Variants in TGM3 observed in about 807,000 individuals in gnomAD.
The protein encoded by TGM3 is protein-glutamine gamma-glutamyltransferase E.
Under a neutral mutation model 73.8 loss-of-function variants are expected in TGM3, and 52 were observed. The ratio of observed to expected loss-of-function variants is 0.70; its 90% confidence interval spans 0.56 to 0.89. The LOEUF is 0.89. Among genes scored for constraint, TGM3 ranks in the 40% least tolerant of loss-of-function variants. The pLI is 0.00. For synonymous variants in TGM3, 372 were observed against 354.9 expected, an observed-to-expected ratio of 1.05 and a Z score of -0.54; for missense variants, 928 against 909.9, an observed-to-expected ratio of 1.02 and a Z score of -0.26.
At position 2,334,851 on chromosome 20, in the gene TGM3, G is replaced by A. The variant is rs1568633748; in HGVS notation, c.1643-265G>A. Reference sequence around the variant, plus strand: ...CATTTTTCGGAGTCGGGAGGAAGCAGCGGTATCTTTAGCCCCTGTGAGCCC... The same window carrying A: ...CATTTTTCGGAGTCGGGAGGAAGCAACGGTATCTTTAGCCCCTGTGAGCCC... On this transcript the variant is annotated intron_variant, in intron 10 of 12. Transcript: ENST00000381458. This position sits in a 1 kb window ranked among gnomAD's most constrained non-coding sequence, Gnocchi z 4.0. Among the ~76,000 whole-genome samples, 1 of 152,218 alleles carries A rather than the reference G, an allele frequency of 6.6e-6. No homozygotes were observed. Among genetic ancestry groups the A allele is most frequent in the Non-Finnish European group, 1.5e-5 (1 of 68,026 alleles).
At chr20:2,317,585 G>A in intron 7 of TGM3, 100 bp downstream of exon 7, 1 of 1,510,006 alleles carries the variant, frequency 6.6e-7, no homozygotes, top group Middle Eastern at 1.8e-4. Flanking sequence ...GGTGTTGCAA[G>A]GCAAGTAACA....
At chr20:2,306,473 T>C (rs1211406307) in intron 1 of TGM3, among the ~76,000 whole-genome samples, 6 of 72,834 alleles carry the variant, frequency 8.2e-5, no homozygotes, top group African/African-American at 2.2e-4. Context: ...TTTTCCTTTC[T>C]TTTTTTTTTT....
intron 1 of TGM3, among the ~76,000 whole-genome samples, chr20:2,306,472 CTTT>C (rs33929365): frequency 7.7e-6 from 1 of 129,616 alleles, no homozygotes. Context: ...CTTTTCCTTT[CTTT>C]TTTTTTTTTT....
intron 7 of TGM3, among the ~76,000 whole-genome samples, chr20:2,317,936 T>TATC (rs1555794820): frequency 7.8e-5 from 11 of 140,732 alleles, no homozygotes; most frequent in African/African-American, 3.1e-4. Context: ...TATATATATA[T>TATC]ATATATCATA....
At position 2,328,534 on chromosome 20, in the gene TGM3, G is replaced by A. The variant is rs550487128; in HGVS notation, c.1333+169G>A. Among the ~76,000 whole-genome samples the A allele has an allele frequency of 2.0e-4, 30 of 152,322 alleles. No individual in the cohort carries two copies. In the East Asian group the frequency reaches 3.9e-3, roughly 20 times the overall value. On this transcript the variant is annotated intron_variant, in intron 9 of 12. Transcript: ENST00000381458. This position sits in a 1 kb window ranked among gnomAD's most constrained non-coding sequence, Gnocchi z 5.2. ...ACATCCACCTCCCAGGACTGTTTCC[G>A]GAGGGAACAAAACCATCACGGGCAG...
intron 1 of TGM3, among the ~76,000 whole-genome samples, chr20:2,300,673 C>G (rs778606417): frequency 2.6e-5 from 4 of 152,194 alleles, no homozygotes; most frequent in Non-Finnish European, 4.4e-5. Flanking sequence ...TTCCAAAGCC[C>G]TCATCTGTGA....
chr20:2,321,865 G>A (rs2084264626), intron 7 of TGM3, among the ~76,000 whole-genome samples: 1 of 152,304 alleles, frequency 6.6e-6, no homozygotes, highest in East Asian at 1.9e-4. Context: ...TTTGCATGAG[G>A]GAGGAACCAG....
chr20:2,340,010 C>CCTTGGGGGGGGGG, intron 12 of TGM3, 23 bp downstream of exon 12: 1 of 318,584 alleles, frequency 3.1e-6, no homozygotes, highest in Non-Finnish European at 6.1e-6. Context: ...CCTAAGTGGC[C>CCTTGGGGGGGGGG]GGTGCAGGAG....
chr20:2,338,650 C>A (rs1003519369), intron 11 of TGM3, among the ~76,000 whole-genome samples: 22 of 152,196 alleles, frequency 1.4e-4, no homozygotes, highest in Admixed American at 6.5e-5. Flanking sequence ...ATTGAATCAG[C>A]CTGAACCTCA....
At chr20:2,322,523 C>A (rs2019184) in intron 7 of TGM3, among the ~76,000 whole-genome samples, 86,429 of 152,052 alleles carry the variant, frequency 0.57, 28,014 homozygotes, top group East Asian at 0.81. Flanking sequence ...ATCATATTCT[C>A]TTATATGGAA....
rs6137670 is a variant in TGM3 at position 2,318,014 on chromosome 20, C to T, written c.983+529C>T. Among the ~76,000 whole-genome samples the T allele has an allele frequency of 5.6e-4, 84 of 149,500 alleles. No homozygotes were observed. In the East Asian group the frequency reaches 0.014, roughly 25 times the overall value. On this transcript the variant is annotated intron_variant, in intron 7 of 12. Transcript: ENST00000381458. ...AAAGTTCAGAGTTTATTCTGGATTCCGGATGAAAACAATTATTTTTTTGAG... is the reference window on the plus strand; with the variant it reads ...AAAGTTCAGAGTTTATTCTGGATTCTGGATGAAAACAATTATTTTTTTGAG...
At chr20:2,304,662 C>T (rs568783988) in intron 1 of TGM3, among the ~76,000 whole-genome samples, 1 of 152,278 alleles carries the variant, frequency 6.6e-6, no homozygotes, top group Non-Finnish European at 1.5e-5. Context: ...CCAGACTACT[C>T]TTAATACTTC....
intron 1 of TGM3, among the ~76,000 whole-genome samples, chr20:2,301,250 G>A (rs973793819): frequency 2.6e-5 from 4 of 151,490 alleles, no homozygotes; most frequent in Non-Finnish European, 5.9e-5. Context: ...CAGAGGAGGG[G>A]CCAGCCAGGA....
At position 2,328,339 on chromosome 20, in the gene TGM3, T is replaced by C; in HGVS notation, c.1307T>C (p.Val436Ala). Reference sequence around the variant, plus strand: ...GTGGGCAGCAATGCTCGCATGGACGTCACGGACAAGTACAAGTACCCAGAA... The same window carrying C: ...GTGGGCAGCAATGCTCGCATGGACGCCACGGACAAGTACAAGTACCCAGAA... ...KAVGSNARMD[V>A]TDKYKYPEGS... The change falls in exon 9 of 13, where the codon GTC becomes GCC. Residue 436 changes from valine to alanine, a missense_variant. By Grantham distance (64) the Val-to-Ala change is moderately conservative (BLOSUM62 0). Coordinates refer to ENST00000381458, the MANE Select transcript of TGM3 (RefSeq NM_003245.4). The surrounding 1 kb of genome is among the most constrained non-coding windows in gnomAD (Gnocchi z 5.2). 1.2e-6 allele frequency: 2 copies of C among 1,614,026 alleles called. No homozygotes were observed. Among genetic ancestry groups the C allele is most frequent in the Non-Finnish European group, 1.7e-6 (2 of 1,180,016 alleles).
Position 2,332,442 on chromosome 20 carries a change from C to A in TGM3, c.1642+132C>A. On this transcript the variant is annotated intron_variant, in intron 10 of 12. Coordinates refer to ENST00000381458, the MANE Select transcript of TGM3 (RefSeq NM_003245.4). This position sits in a 1 kb window ranked among gnomAD's most constrained non-coding sequence, Gnocchi z 4.4. Reference sequence around the variant, plus strand: ...GCAGCCAGCGGCCCCTGTGGTTAAGCCATGTATTAATGCTTTGGAAGTTTC... The same window carrying A: ...GCAGCCAGCGGCCCCTGTGGTTAAGACATGTATTAATGCTTTGGAAGTTTC... 2.2e-6 allele frequency: 2 copies of A among 902,982 alleles called. No homozygotes were observed. The highest frequency in any genetic ancestry group is 3.3e-6 in the Non-Finnish European group (2 of 613,450). The allele number at this position is 902,982 out of a possible 1,614,324, so 55.9% of individuals were successfully genotyped here. A position where few individuals can be genotyped will look rare whatever the true frequency, so the allele number is the denominator to read the frequency against.
At chr20:2,311,595 C>G (rs971904764) in intron 4 of TGM3, among the ~76,000 whole-genome samples, 1 of 152,134 alleles carries the variant, frequency 6.6e-6, no homozygotes, top group African/African-American at 2.4e-5. Context: ...CTACAGAGTT[C>G]TCAGATTTGG....
chr20:2,310,977 C>T, intron 3 of TGM3, 34 bp from the exon 4 acceptor site: 2 of 1,579,458 alleles, frequency 1.3e-6, no homozygotes, highest in Non-Finnish European at 1.7e-6. Flanking sequence ...TCCGAGGATT[C>T]TAGTCGCTGG....
rs146484161 is a variant in TGM3 at position 2,335,345 on chromosome 20, C to T, written c.1800+72C>T. 267 of 1,572,800 alleles carry T rather than the reference C, an allele frequency of 1.7e-4. 1 individual carries two copies. In the East Asian group the frequency reaches 5.7e-3, roughly 34 times the overall value. Reference sequence around the variant, plus strand: ...GCCCAGCTCCCAGGAGCCCCACTGTCCCTGTGAGCCACAGCTCTCCCAGAG... The same window carrying T: ...GCCCAGCTCCCAGGAGCCCCACTGTTCCTGTGAGCCACAGCTCTCCCAGAG... On this transcript the variant is annotated intron_variant, in intron 11 of 12. Transcript: ENST00000381458.
intron 7 of TGM3, among the ~76,000 whole-genome samples, chr20:2,324,218 CT>C (rs546210782): frequency 6.6e-6 from 1 of 151,948 alleles, no homozygotes; most frequent in African/African-American, 2.4e-5. Context: ...CCATTTGGTT[CT>C]TTTTTTCATA....
Sources: allele counts gnomAD v4.1 joint callset (sites outside exome capture counted in the v4.1 genomes callset), GRCh38; gene constraint gnomAD v4.1.1; non-coding constraint Gnocchi (gnomAD v3.1); transcripts MANE v1.5; gene names NCBI Gene and HGNC (gene_info 2026-07-23, HGNC 2026-07-21).